UBE2G1: variants seen among roughly 807,000 people sequenced by gnomAD.
The protein encoded by UBE2G1 is ubiquitin-conjugating enzyme E2 G1.
UBE2G1 carries 5 observed loss-of-function variants against 22.7 expected under a neutral mutation model. That is an observed-to-expected ratio of 0.22 (90% confidence interval 0.12 to 0.46). The LOEUF (loss-of-function observed/expected upper bound fraction) is 0.46. UBE2G1 is among the 20% of genes least tolerant of loss of function. The pLI is 0.99. For missense variants in UBE2G1, 88 were observed against 203.9 expected (o/e 0.43, Z 3.46); for synonymous variants, 74 against 67.5 (o/e 1.10, Z -0.47).
chr17:4,328,133 C>A (rs574559789), intron 1 of UBE2G1, among the ~76,000 whole-genome samples: 72 of 152,262 alleles, frequency 4.7e-4, no homozygotes, highest in African/African-American at 1.7e-3. Context: ...ATATCAAATT[C>A]CACCAAGTTG....
chr17:4,357,430 T>C (rs1969918290), intron 1 of UBE2G1, among the ~76,000 whole-genome samples: 1 of 143,208 alleles, frequency 7.0e-6, no homozygotes, highest in South Asian at 2.1e-4. Context: ...CTGGAGGTCT[T>C]GGAAAGTATT....
intron 1 of UBE2G1, among the ~76,000 whole-genome samples, chr17:4,313,493 T>A (rs11868844): frequency 6.6e-6 from 1 of 152,106 alleles, no homozygotes; most frequent in Non-Finnish European, 1.5e-5. Flanking sequence ...TATCTAGAGA[T>A]AAAATTAAGA....
intron 1 of UBE2G1, among the ~76,000 whole-genome samples, chr17:4,353,454 T>G (rs1340469563): frequency 7.4e-6 from 1 of 134,428 alleles, no homozygotes; most frequent in Admixed American, 7.8e-5. Flanking sequence ...CGTTGATATA[T>G]ATATATATAC....
At chr17:4,280,627 T>C (rs1968876835) in intron 5 of UBE2G1, among the ~76,000 whole-genome samples, 1 of 151,000 alleles carries the variant, frequency 6.6e-6, no homozygotes, top group Non-Finnish European at 1.5e-5. Context: ...TGAGCCACCA[T>C]GCCCGGCTGG....
intron 1 of UBE2G1, among the ~76,000 whole-genome samples, chr17:4,347,586 T>A (rs903985399): frequency 6.7e-6 from 1 of 150,116 alleles, no homozygotes; most frequent in African/African-American, 2.5e-5. Context: ...GAGATTCTCA[T>A]GCCTCAGCCT....
intron 3 of UBE2G1, among the ~76,000 whole-genome samples, chr17:4,291,392 C>T (rs1470533703): frequency 7.0e-6 from 1 of 143,644 alleles, no homozygotes; most frequent in East Asian, 2.1e-4. Flanking sequence ...AACATCAAAA[C>T]TTGTAACACT....
At chr17:4,320,935 TA>T (rs913536675) in intron 1 of UBE2G1, among the ~76,000 whole-genome samples, 2 of 150,988 alleles carry the variant, frequency 1.3e-5, no homozygotes, top group African/African-American at 4.9e-5. Context: ...AAACAAAAAG[TA>T]AAAAAAAGAA....
chr17:4,332,069 A>G (rs911891941), intron 1 of UBE2G1: 4 of 152,208 alleles, frequency 2.6e-5, no homozygotes, highest in African/African-American at 4.8e-5. Flanking sequence ...ATTGTTCACT[A>G]TTAGGCCTCT....
At chr17:4,292,345 A>G (rs980873458) in intron 3 of UBE2G1, among the ~76,000 whole-genome samples, 1 of 150,904 alleles carries the variant, frequency 6.6e-6, no homozygotes, top group Non-Finnish European at 1.5e-5. Flanking sequence ...CCAAACCAAA[A>G]CCAAACAAAC....
chr17:4,361,778 A>G (rs1337575755), intron 1 of UBE2G1, among the ~76,000 whole-genome samples: 1 of 151,894 alleles, frequency 6.6e-6, no homozygotes, highest in African/African-American at 2.4e-5. Context: ...TGTCTCTACT[A>G]AAAATACAAA....
At position 4,287,034 on chromosome 17, in the gene UBE2G1, G is replaced by A. The variant is rs112075459; in HGVS notation, c.426+2196C>T. On this transcript the variant is annotated intron_variant, in intron 4 of 5. Coordinates refer to ENST00000396981, the MANE Select transcript of UBE2G1 (RefSeq NM_003342.5). Reference sequence around the variant, plus strand: ...CCACTGCACTCCAGCCTGGGCATCAGAGCAAGACTCTGTCTCAAAAATAAA... The same window carrying A: ...CCACTGCACTCCAGCCTGGGCATCAAAGCAAGACTCTGTCTCAAAAATAAA... Among the ~76,000 whole-genome samples, 503 of 151,814 alleles carry A rather than the reference G, an allele frequency of 3.3e-3. 3 individuals carry two copies. Among genetic ancestry groups the A allele is most frequent in the African/African-American group, 0.011 (474 of 41,388 alleles).
intron 4 of UBE2G1, among the ~76,000 whole-genome samples, chr17:4,286,139 T>A (rs1968960375): frequency 6.6e-6 from 1 of 152,136 alleles, no homozygotes; most frequent in Admixed American, 6.6e-5. Context: ...GCCGGGTGGC[T>A]CACACCTGTA....
intron 1 of UBE2G1, 71 bp downstream of exon 1, chr17:4,366,200 G>T: frequency 6.9e-7 from 1 of 1,454,292 alleles, no homozygotes; most frequent in African/African-American, 1.5e-5. Context: ...GGCCCGGGAG[G>T]AGAAGAGGGA....
At chr17:4,294,895 CCT>C (rs1395723580) in intron 3 of UBE2G1, among the ~76,000 whole-genome samples, 7 of 151,358 alleles carry the variant, frequency 4.6e-5, no homozygotes, top group African/African-American at 1.7e-4. Flanking sequence ...AGAGTGAGAC[CCT>C]GTCTTAGAAA....
intron 2 of UBE2G1, chr17:4,302,251 C>G: frequency 2.1e-6 from 1 of 469,474 alleles, no homozygotes; most frequent in Non-Finnish European, 4.3e-6. Context: ...AGCTCCCACA[C>G]CCCAGTATTT....
In UBE2G1 at chr17:4,316,383, A is replaced by G. The variant is rs567032289; in HGVS notation, c.47-9260T>C. On this transcript the variant is annotated intron_variant, in intron 1 of 5. Coordinates refer to ENST00000396981, the MANE Select transcript of UBE2G1 (RefSeq NM_003342.5). ...TACATAATTACTCCTAACTATTGAGATAATTTGTCAAAATAATTTTGACCT... is the reference window on the plus strand; with the variant it reads ...TACATAATTACTCCTAACTATTGAGGTAATTTGTCAAAATAATTTTGACCT... Among the ~76,000 whole-genome samples the G allele has an allele frequency of 1.2e-4, 19 of 152,314 alleles. No individual in the cohort carries two copies. In the South Asian group the frequency reaches 3.9e-3, roughly 32 times the overall value.
intron 1 of UBE2G1, among the ~76,000 whole-genome samples, chr17:4,356,049 T>TAA (rs746982860): frequency 2.1e-4 from 21 of 99,076 alleles, no homozygotes; most frequent in East Asian, 6.2e-4. Flanking sequence ...TGTTTCACTT[T>TAA]AAAAAAAAAA....
intron 1 of UBE2G1, among the ~76,000 whole-genome samples, chr17:4,349,315 G>A (rs1375133481): frequency 3.3e-4 from 50 of 152,156 alleles, no homozygotes; most frequent in Non-Finnish European, 1.6e-4. Context: ...TGAGAATGGT[G>A]TGACACCATA....
At chr17:4,327,904 A>T (rs548650981) in intron 1 of UBE2G1, among the ~76,000 whole-genome samples, 25 of 152,326 alleles carry the variant, frequency 1.6e-4, no homozygotes, top group African/African-American at 6.0e-4. Context: ...GACATCTGCC[A>T]TCCTTGCCTT....
Sources: allele counts gnomAD v4.1 joint callset (sites outside exome capture counted in the v4.1 genomes callset), GRCh38; gene constraint gnomAD v4.1.1; transcripts MANE v1.5; gene names NCBI Gene and HGNC (gene_info 2026-07-23, HGNC 2026-07-21).